TRMT61B: variants seen among roughly 807,000 people sequenced by gnomAD.
TRMT61B encodes tRNA (adenine(58)-N(1))-methyltransferase, mitochondrial.
In TRMT61B, 56 loss-of-function variants were observed where a neutral mutation model predicts 52.0. The observed-to-expected ratio is 1.08, with a 90% CI of 0.87 to 1.35. The LOEUF is 1.35. TRMT61B is among the 40% of genes most tolerant of loss of function. TRMT61B has a pLI of 0.00. For synonymous variants in TRMT61B, 206 were observed against 220.0 expected (o/e 0.94, Z 0.56); for missense variants, 650 against 577.9 (o/e 1.12, Z -1.28).
intron 6 of TRMT61B, 31 bp from the exon 7 acceptor site, chr2:28,850,273 T>G (rs1179943169): frequency 6.2e-7 from 1 of 1,603,702 alleles, no homozygotes; most frequent in Admixed American, 1.7e-5. Flanking sequence ...CATAAAGTCA[T>G]TATATTAATT....
chr2:28,865,779 C>T (rs982166425), intron 1 of TRMT61B, among the ~76,000 whole-genome samples: 1 of 145,072 alleles, frequency 6.9e-6, no homozygotes, highest in Non-Finnish European at 1.5e-5. Context: ...CTCCCGGGTT[C>T]AAGCGATTCT....
intron 3 of TRMT61B, among the ~76,000 whole-genome samples, chr2:28,860,776 T>C (rs1447324263): frequency 1.3e-5 from 2 of 152,146 alleles, no homozygotes; most frequent in Non-Finnish European, 2.9e-5. Flanking sequence ...ATCTCACAGT[T>C]CAGGTTAGGT....
chr2:28,859,070 T>C (rs1669481949), intron 3 of TRMT61B, among the ~76,000 whole-genome samples: 1 of 147,496 alleles, frequency 6.8e-6, no homozygotes, highest in African/African-American at 2.5e-5. Context: ...AATTCTTGTA[T>C]TTTTCTTTCT....
In TRMT61B at chr2:28,849,940, G is replaced by C. The variant is rs773358536; in HGVS notation, c.*259C>G. On this transcript the variant is annotated 3_prime_UTR_variant, in exon 7 of 7. Coordinates refer to ENST00000306108, the MANE Select transcript of TRMT61B (RefSeq NM_017910.4). Reference sequence around the variant, plus strand: ...GAGTGGTTTACAGGAAGTGAAGAATGAGATGGCCCAACTAAACCAATTTGG... The same window carrying C: ...GAGTGGTTTACAGGAAGTGAAGAATCAGATGGCCCAACTAAACCAATTTGG... 5 of 1,583,818 alleles carry C rather than the reference G, an allele frequency of 3.2e-6. No homozygotes were observed. The highest frequency in any genetic ancestry group is 4.3e-6 in the Non-Finnish European group (5 of 1,168,550).
rs75831891 is a variant in TRMT61B, at chr2:28,854,156, G to A, written c.994-1657C>T. 5.6e-3 allele frequency among the ~76,000 whole-genome samples: 853 copies of A among 152,224 alleles called. 7 individuals carry two copies. Among genetic ancestry groups the A allele is most frequent in the African/African-American group, 0.019 (809 of 41,544 alleles). Reference sequence around the variant, plus strand: ...AATTTATTCACCAAATATTTATTAAGCACTGTCTACATGGCAAACATTTTT... The same window carrying A: ...AATTTATTCACCAAATATTTATTAAACACTGTCTACATGGCAAACATTTTT... On this transcript the variant is annotated intron_variant, in intron 3 of 6. Transcript: ENST00000306108.
Position 28,869,832 on chromosome 2 carries a change from C to A in TRMT61B, c.446G>T (p.Arg149Ile). 6.2e-7 allele frequency: 1 copy of A among 1,614,182 alleles called. No individual in the cohort carries two copies. The highest frequency in any genetic ancestry group is 8.5e-7 in the Non-Finnish European group (1 of 1,180,016). The part of the protein sequence containing the change: ...VSPSCSTSRE[R>I]PFQAGELILA... ...AATCAGTTCCCCAGCCTGAAAGGGT[C>A]TCTCTCTGGAAGTTGAACAAGAAGG... Residue 149 changes from arginine (R) to isoleucine (I), a missense_variant, in exon 1 of 7, where the codon AGA becomes ATA. By Grantham distance (97) the Arg-to-Ile change is moderately conservative. Coordinates refer to ENST00000306108, the MANE Select transcript of TRMT61B (RefSeq NM_017910.4).
intron 1 of TRMT61B, among the ~76,000 whole-genome samples, chr2:28,866,884 C>A (rs945749508): frequency 6.6e-6 from 1 of 152,164 alleles, no homozygotes; most frequent in Non-Finnish European, 1.5e-5. Flanking sequence ...CAGCCTCGAA[C>A]TTCTGGGCTC....
chr2:28,864,964 A>T, intron 2 of TRMT61B, 53 bp downstream of exon 2: 1 of 1,075,448 alleles, frequency 9.3e-7, no homozygotes, highest in Admixed American at 1.9e-5. Context: ...GTTATTATGA[A>T]CAAATTGAAT....
rs375583868 is a variant in TRMT61B, at chr2:28,852,420, A to G, written c.1073T>C (p.Val358Ala). 2.3e-5 allele frequency: 37 copies of G among 1,599,296 alleles called. No individual in the cohort carries two copies. The African/African-American group carries it at 4.4e-4, about 19-fold the overall frequency. The change falls in exon 4 of 7, where the codon GTA becomes GCA. Residue 358 changes from valine (V) to alanine (A), a missense_variant. Val to Ala is a moderately conservative substitution (Grantham distance 64). Coordinates refer to ENST00000306108, the MANE Select transcript of TRMT61B (RefSeq NM_017910.4). ...TTATATTACTCACTTTACTACATAT[A>G]CAGCACATACACCACCATGCTTAAG... ...PHLKHGGVCAVYVVNITQVIE... is the reference protein window; with the variant it reads ...PHLKHGGVCAAYVVNITQVIE...
intron 3 of TRMT61B, among the ~76,000 whole-genome samples, chr2:28,858,043 T>TC (rs963202241): frequency 6.8e-6 from 1 of 147,418 alleles, no homozygotes; most frequent in Non-Finnish European, 1.5e-5. Flanking sequence ...GTTTAATTCT[T>TC]TTTTTTTTTT....
At position 28,852,402 on chromosome 2, in the gene TRMT61B, A is replaced by G. The variant is rs202177747; in HGVS notation, c.1085+6T>C. The G allele has an allele frequency of 3.4e-5, 51 of 1,522,258 alleles. No individual in the cohort carries two copies. The highest frequency in any genetic ancestry group is 4.5e-5 in the Non-Finnish European group (50 of 1,112,546). The allele number at this position is 1,522,258 out of a possible 1,614,324, so 94.3% of individuals were successfully genotyped here. ...CATTACAAAGAAAAACAGTTATATT[A>G]CTCACTTTACTACATATACAGCACA... On this transcript the variant is annotated splice_donor_region_variant and intron_variant, in intron 4 of 6. Coordinates refer to ENST00000306108, the MANE Select transcript of TRMT61B (RefSeq NM_017910.4).
chr2:28,854,901 C>T (rs1669277887), intron 3 of TRMT61B, among the ~76,000 whole-genome samples: 1 of 151,852 alleles, frequency 6.6e-6, no homozygotes. Context: ...GCCTGGGTGA[C>T]AGGATAAGAC....
chr2:28,850,290 A>G (rs1043767673), intron 6 of TRMT61B, 38 bp downstream of exon 6: 2 of 1,601,552 alleles, frequency 1.2e-6, no homozygotes, highest in Admixed American at 3.4e-5. Flanking sequence ...AATTAAAAGA[A>G]AAAACACCAT....
chr2:28,858,041 C>CTTT (rs372996493), intron 3 of TRMT61B, among the ~76,000 whole-genome samples: 12 of 133,310 alleles, frequency 9.0e-5, no homozygotes, highest in East Asian at 2.2e-4. Context: ...TTGTTTAATT[C>CTTT]TTTTTTTTTT....
chr2:28,860,352 G>T (rs1244521564), intron 3 of TRMT61B, among the ~76,000 whole-genome samples: 1 of 124,574 alleles, frequency 8.0e-6, no homozygotes, highest in Admixed American at 9.8e-5. Context: ...CACCAAAACA[G>T]TCCATCCTTC....
At position 28,865,092 on chromosome 2, in the gene TRMT61B, C is replaced by T. The variant is rs1358111576; in HGVS notation, c.727G>A (p.Asp243Asn). 1 of 1,610,858 alleles carries T rather than the reference C, an allele frequency of 6.2e-7. No individual in the cohort carries two copies. The highest frequency in any genetic ancestry group is 2.2e-5 in the East Asian group (1 of 44,856). The stretch of plus-strand genomic sequence containing the variant: ...AAAACAGTATCACCTGGGTTGATAT[C>T]CATCATTGAGAGAATCATATTAATA... ...KDINMILSMM[D>N]INPGDTVLEA... is the part of the protein sequence containing the mutation. Residue 243 changes from aspartate to asparagine, a missense_variant, in exon 2 of 7, where the codon GAT becomes AAT. Physicochemically the swap from Asp to Asn is conservative, Grantham distance 23. Transcript: ENST00000306108.
intron 3 of TRMT61B, among the ~76,000 whole-genome samples, chr2:28,860,629 T>G (rs1669561967): frequency 1.3e-5 from 2 of 152,204 alleles, no homozygotes; most frequent in African/African-American, 4.8e-5. Flanking sequence ...TGCTCCACTT[T>G]CTGGAGCTTT....
intron 3 of TRMT61B, among the ~76,000 whole-genome samples, chr2:28,858,324 G>C (rs987144060): frequency 1.3e-5 from 2 of 152,048 alleles, no homozygotes; most frequent in African/African-American, 4.8e-5. Context: ...ACAGGTGTGA[G>C]CCATTGCGCC....
chr2:28,869,718 A>G lies in TRMT61B; in HGVS notation c.560T>C (p.Val187Ala), dbSNP rs895982072. The change falls in exon 1 of 7, where the codon GTC becomes GCC. Residue 187 changes from valine (V) to alanine (A), a missense_variant. Transcript: ENST00000306108. The part of the protein sequence containing the change: ...FGLLNSNWGA[V>A]PFGKIVGKFP... ...CTTCCCCACGATCTTGCCGAACGGGACTGCCCCCCAGTTACTATTTAAGAG... is the reference window on the plus strand; with the variant it reads ...CTTCCCCACGATCTTGCCGAACGGGGCTGCCCCCCAGTTACTATTTAAGAG... 2 of 1,614,074 alleles carry G rather than the reference A, an allele frequency of 1.2e-6. No individual in the cohort carries two copies. Among genetic ancestry groups the G allele is most frequent in the Non-Finnish European group, 8.5e-7 (1 of 1,180,046 alleles).
Sources: allele counts gnomAD v4.1 joint callset (sites outside exome capture counted in the v4.1 genomes callset), GRCh38; gene constraint gnomAD v4.1.1; transcripts MANE v1.5; gene names NCBI Gene and HGNC (gene_info 2026-07-23, HGNC 2026-07-21).